Variants in HPSE2 observed in about 807,000 individuals in gnomAD.
HPSE2 encodes the protein heparanase 2 (inactive).
A neutral mutation model predicts 60.5 loss-of-function variants in HPSE2; 38 were observed. The ratio of observed to expected loss-of-function variants is 0.63; its 90% CI spans 0.48 to 0.82. The LOEUF (loss-of-function observed/expected upper bound fraction) is 0.82, where lower values mean the gene tolerates loss of function less well. Ranked by LOEUF, HPSE2 falls within the 40% of genes least tolerant of loss-of-function variation. The pLI is 0.00. For missense variants in HPSE2, 713 were observed against 740.4 expected (o/e 0.96, Z 0.43); for synonymous variants, 295 against 293.2 (o/e 1.01, Z -0.06).
At chr10:98,863,424 A>G (rs1383698513) in intron 3 of HPSE2, among the ~76,000 whole-genome samples, 2 of 152,138 alleles carry the variant, frequency 1.3e-5, no homozygotes, top group East Asian at 1.9e-4. Context: ...GCAGTTATAG[A>G]TATCTTGATA....
chr10:99,288,486 GA>G, the HPSE2 span, among the ~76,000 whole-genome samples: 1 of 152,106 alleles, frequency 6.6e-6, no homozygotes, highest in African/African-American at 2.4e-5. Flanking sequence ...AAAAGGCAGA[GA>G]AGGAGGAGGA....
At chr10:98,634,670 T>C (rs1946450425) in intron 7 of HPSE2, among the ~76,000 whole-genome samples, 1 of 152,226 alleles carries the variant, frequency 6.6e-6, no homozygotes, top group African/African-American at 2.4e-5. Flanking sequence ...ACTTCCATGG[T>C]CCTGCAACTA....
chr10:98,809,524 GTA>G lies in HPSE2; in HGVS notation c.611-65470_611-65469del, dbSNP rs150598388. On this transcript the variant is annotated intron_variant, in intron 3 of 11. Coordinates refer to ENST00000370552, the MANE Select transcript of HPSE2 (RefSeq NM_021828.5). Reference sequence around the variant, plus strand: ...AAATTCTGTATGTATGTGTTTATGTGTATATATATATATTTGTATATCCACAG... The same window carrying G: ...AAATTCTGTATGTATGTGTTTATGTGTATATATATATTTGTATATCCACAG... Among the ~76,000 whole-genome samples, 5 of 151,210 alleles carry G rather than the reference GTA, an allele frequency of 3.3e-5. No homozygotes were observed. The South Asian group carries it at 8.3e-4, about 25-fold the overall frequency.
chr10:98,673,970 T>C (rs1375542083), intron 6 of HPSE2, among the ~76,000 whole-genome samples: 1 of 152,174 alleles, frequency 6.6e-6, no homozygotes, highest in Admixed American at 6.5e-5. Flanking sequence ...CTGGGAAATC[T>C]TATTAAAATA....
chr10:98,699,238 C>G (rs780198501), intron 5 of HPSE2, among the ~76,000 whole-genome samples: 19 of 152,178 alleles, frequency 1.2e-4, no homozygotes, highest in Non-Finnish European at 2.8e-4. Flanking sequence ...TGTAAAAATC[C>G]TCAATAAAAT....
At chr10:99,094,243 T>C (rs944497571) in intron 3 of HPSE2, among the ~76,000 whole-genome samples, 1 of 151,920 alleles carries the variant, frequency 6.6e-6, no homozygotes, top group Non-Finnish European at 1.5e-5. Context: ...TATTAATTTC[T>C]AGCTTTATTG....
intron 3 of HPSE2, among the ~76,000 whole-genome samples, chr10:99,020,267 G>A (rs1027877395): frequency 6.6e-6 from 1 of 152,032 alleles, no homozygotes; most frequent in African/African-American, 2.4e-5. Flanking sequence ...GGTAATTATT[G>A]AAATAAATAT....
chr10:99,089,715 A>G (rs1843446259), intron 3 of HPSE2, among the ~76,000 whole-genome samples: 1 of 152,004 alleles, frequency 6.6e-6, no homozygotes, highest in African/African-American at 2.4e-5. Context: ...GTGAAGAATG[A>G]TGGTGGTATT....
intron 3 of HPSE2, among the ~76,000 whole-genome samples, chr10:98,893,994 A>G (rs2134947910): frequency 6.6e-6 from 1 of 152,328 alleles, no homozygotes; most frequent in Non-Finnish European, 1.5e-5. Context: ...CAAGAAATGG[A>G]CAGATGGAAA....
intron 9 of HPSE2, among the ~76,000 whole-genome samples, chr10:98,527,803 A>G (rs1457610154): frequency 6.6e-6 from 1 of 152,182 alleles, no homozygotes; most frequent in African/African-American, 2.4e-5. Context: ...ATATTTGAGG[A>G]GTAACTAAAC....
intron 3 of HPSE2, among the ~76,000 whole-genome samples, chr10:98,769,613 A>T (rs535114282): frequency 7.9e-5 from 12 of 152,300 alleles, no homozygotes; most frequent in African/African-American, 2.9e-4. Flanking sequence ...AGCAATGACT[A>T]TGTAGAGATA....
chr10:98,483,076 G>A (rs1188131228), intron 10 of HPSE2, among the ~76,000 whole-genome samples: 1 of 152,050 alleles, frequency 6.6e-6, no homozygotes. Flanking sequence ...AGTAAAACAT[G>A]CTGATTGCAA....
intron 2 of HPSE2, among the ~76,000 whole-genome samples, chr10:99,186,857 G>T (rs891150808): frequency 2.0e-5 from 3 of 152,036 alleles, no homozygotes; most frequent in Admixed American, 6.6e-5. Context: ...GCTCACTGCA[G>T]CCTCAGCCTC....
At chr10:98,498,206 G>A (rs1941915688) in intron 9 of HPSE2, among the ~76,000 whole-genome samples, 1 of 152,138 alleles carries the variant, frequency 6.6e-6, no homozygotes. Flanking sequence ...GCAATCCTGA[G>A]AGGACCCACA....
the HPSE2 span, among the ~76,000 whole-genome samples, chr10:99,300,335 C>A: frequency 6.6e-6 from 1 of 152,154 alleles, no homozygotes; most frequent in African/African-American, 2.4e-5. Context: ...GGACACCTTA[C>A]AATCTCCATG....
chr10:98,980,951 G>A (rs775770990), intron 3 of HPSE2, among the ~76,000 whole-genome samples: 1 of 152,084 alleles, frequency 6.6e-6, no homozygotes, highest in Non-Finnish European at 1.5e-5. Flanking sequence ...TCAGGAGTAT[G>A]ATAAGATATT....
intron 3 of HPSE2, among the ~76,000 whole-genome samples, chr10:98,848,097 A>G (rs187634072): frequency 1.7e-4 from 26 of 152,340 alleles, no homozygotes; most frequent in Admixed American, 1.6e-3. Flanking sequence ...AATTCAGGGT[A>G]TGAGAGTAGC....
At chr10:99,282,937 C>T in the HPSE2 span, among the ~76,000 whole-genome samples, 6 of 152,130 alleles carry the variant, frequency 3.9e-5, no homozygotes, top group Admixed American at 1.3e-4. Flanking sequence ...GTAATCCCAG[C>T]ACTTTGGGAG....
At chr10:98,949,569 T>G (rs946446522) in intron 3 of HPSE2, among the ~76,000 whole-genome samples, 1 of 152,174 alleles carries the variant, frequency 6.6e-6, no homozygotes, top group Non-Finnish European at 1.5e-5. Context: ...AACATTTTAG[T>G]TCCTGATGTC....
Sources: allele counts gnomAD v4.1 joint callset (sites outside exome capture counted in the v4.1 genomes callset), GRCh38; gene constraint gnomAD v4.1.1; transcripts MANE v1.5; gene names NCBI Gene and HGNC (gene_info 2026-07-23, HGNC 2026-07-21).